NPAS3: variants seen among roughly 807,000 people sequenced by gnomAD.
NPAS3 encodes the protein neuronal PAS domain-containing protein 3.
In NPAS3, 14 loss-of-function variants were observed where a neutral mutation model predicts 73.1. That is an observed-to-expected ratio of 0.19 (90% CI 0.13 to 0.30). The LOEUF (loss-of-function observed/expected upper bound fraction) is 0.30, where lower values mean the gene tolerates loss of function less well. Among genes scored for constraint, NPAS3 ranks in the 10% least tolerant of loss-of-function variants. NPAS3 has a pLI of 1.00. For synonymous variants in NPAS3, 620 were observed against 541.5 expected, an observed-to-expected ratio of 1.14 and a Z score of -2.01; for missense variants, 1,096 against 1,250.0, an observed-to-expected ratio of 0.88 and a Z score of 1.86.
At chr14:33,771,313 C>T (rs1423039509) in intron 7 of NPAS3, among the ~76,000 whole-genome samples, 1 of 152,146 alleles carries the variant, frequency 6.6e-6, no homozygotes, top group African/African-American at 2.4e-5. Context: ...TCCACCCTCC[C>T]TCAAACCCAC....
Position 33,513,860 on chromosome 14 carries a change from G to A in NPAS3, c.469-46261G>A, listed in dbSNP as rs78211408. Among the ~76,000 whole-genome samples the A allele has an allele frequency of 3.3e-3, 504 of 152,140 alleles. 5 individuals carry two copies. Among genetic ancestry groups the A allele is most frequent in the African/African-American group, 0.012 (482 of 41,548 alleles). ...ACTCTTTTTACTAGCCGCGATGAAT[G>A]TATTTTTTCCCCATGGGGGAGAAAG... On this transcript the variant is annotated intron_variant, in intron 4 of 11. Coordinates refer to ENST00000356141, the Ensembl canonical transcript of NPAS3.
chr14:33,359,034 TA>T (rs1168169781), intron 3 of NPAS3, among the ~76,000 whole-genome samples: 6 of 152,190 alleles, frequency 3.9e-5, no homozygotes, highest in Non-Finnish European at 7.3e-5. Flanking sequence ...CACAACTCTT[TA>T]TGTTGACTCT....
intron 5 of NPAS3, among the ~76,000 whole-genome samples, chr14:33,616,493 G>A (rs1442443002): frequency 6.6e-6 from 1 of 152,130 alleles, no homozygotes; most frequent in African/African-American, 2.4e-5. Flanking sequence ...TGCCCGTCTC[G>A]GCAGCTGTCA....
At chr14:33,141,668 C>T (rs2044049944) in intron 2 of NPAS3, among the ~76,000 whole-genome samples, 1 of 152,064 alleles carries the variant, frequency 6.6e-6, no homozygotes, top group Non-Finnish European at 1.5e-5. Flanking sequence ...ATACTATAAT[C>T]CTCTATGATT....
chr14:33,374,932 G>C (rs1274159113), intron 4 of NPAS3, among the ~76,000 whole-genome samples: 2 of 152,088 alleles, frequency 1.3e-5, no homozygotes, highest in African/African-American at 4.8e-5. Flanking sequence ...GTTTTCAAAA[G>C]ACCTCTGTGA....
At chr14:33,601,801 A>G (rs747529477) in intron 5 of NPAS3, among the ~76,000 whole-genome samples, 3 of 152,204 alleles carry the variant, frequency 2.0e-5, no homozygotes, top group Non-Finnish European at 4.4e-5. Flanking sequence ...ATATCCTCTT[A>G]AATGAAAGTT....
rs1250233377 is a variant in NPAS3, at chr14:33,031,414, A to T, written c.51-24491A>T. ...AGTTATGGCTACAGCTTAGATGTCC[A>T]GACTCCAAGTTCAGTTCTCTTTTTA... On this transcript the variant is annotated intron_variant, in intron 1 of 11. Coordinates refer to ENST00000356141, the Ensembl canonical transcript of NPAS3. Among the ~76,000 whole-genome samples the T allele has an allele frequency of 2.0e-5, 3 of 152,336 alleles. No homozygotes were observed. In the East Asian group the frequency reaches 5.8e-4, roughly 29 times the overall value.
At chr14:32,981,253 T>A (rs1280362175) in intron 1 of NPAS3, among the ~76,000 whole-genome samples, 4 of 152,204 alleles carry the variant, frequency 2.6e-5, no homozygotes, top group Non-Finnish European at 5.9e-5. Context: ...AGCCACCAGA[T>A]GCAAAATCCA....
At chr14:33,003,705 T>G (rs1278182426) in intron 1 of NPAS3, among the ~76,000 whole-genome samples, 6 of 152,230 alleles carry the variant, frequency 3.9e-5, no homozygotes, top group Non-Finnish European at 7.3e-5. Context: ...TTTAAGATTA[T>G]TATGTGATTC....
chr14:33,383,873 G>A (rs756885132), intron 4 of NPAS3, among the ~76,000 whole-genome samples: 2 of 152,004 alleles, frequency 1.3e-5, no homozygotes, highest in Non-Finnish European at 2.9e-5. Flanking sequence ...CTAAAATCTC[G>A]AGCATGTTAT....
intron 6 of NPAS3, among the ~76,000 whole-genome samples, chr14:33,718,845 G>T (rs1432618141): frequency 1.3e-5 from 2 of 152,148 alleles, no homozygotes; most frequent in African/African-American, 4.8e-5. Context: ...TAAAGCTGCG[G>T]CCAGGTACGG....
chr14:33,084,887 A>G (rs1024689701), intron 2 of NPAS3, among the ~76,000 whole-genome samples: 3 of 152,214 alleles, frequency 2.0e-5, no homozygotes, highest in African/African-American at 7.2e-5. Flanking sequence ...CCACATCAGT[A>G]TAGTGTGAGT....
chr14:33,531,200 C>A (rs1432603041), intron 4 of NPAS3, among the ~76,000 whole-genome samples: 2 of 152,038 alleles, frequency 1.3e-5, no homozygotes, highest in Admixed American at 1.3e-4. Flanking sequence ...ATAGGCTGTA[C>A]TTTCCTTTAA....
intron 2 of NPAS3, among the ~76,000 whole-genome samples, chr14:33,161,503 A>C (rs1285733784): frequency 1.3e-5 from 2 of 152,248 alleles, no homozygotes; most frequent in Non-Finnish European, 2.9e-5. Flanking sequence ...TATATACTTA[A>C]GAAAACAAGG....
rs570301880 is a variant in NPAS3, at chr14:33,066,054, T to G, written c.140+10060T>G. Among the ~76,000 whole-genome samples, 13 of 152,260 alleles carry G rather than the reference T, an allele frequency of 8.5e-5. No individual in the cohort carries two copies. In the South Asian group the frequency reaches 2.5e-3, roughly 29 times the overall value. On this transcript the variant is annotated intron_variant, in intron 2 of 11. Coordinates refer to ENST00000356141, the Ensembl canonical transcript of NPAS3. ...GGATGTCTTGGTGAAGAATATATTT[T>G]ATGTAGTTGTAGGGGAGATCCTTGT...
intron 1 of NPAS3, among the ~76,000 whole-genome samples, chr14:33,031,586 A>C (rs1203628915): frequency 6.6e-6 from 1 of 152,136 alleles, no homozygotes; most frequent in Non-Finnish European, 1.5e-5. Flanking sequence ...TCCACCTCCC[A>C]GGCCCAAGTG....
intron 2 of NPAS3, among the ~76,000 whole-genome samples, chr14:33,109,363 T>C (rs1350982378): frequency 2.6e-5 from 4 of 152,282 alleles, no homozygotes; most frequent in African/African-American, 7.2e-5. Flanking sequence ...GTTTTTTGTT[T>C]TGGCAAAAAT....
intron 4 of NPAS3, among the ~76,000 whole-genome samples, chr14:33,446,566 C>G (rs1340778812): frequency 1.3e-5 from 2 of 152,192 alleles, no homozygotes; most frequent in African/African-American, 4.8e-5. Flanking sequence ...ATTCCTCCCT[C>G]GGAAGAGATG....
chr14:33,405,164 C>T (rs561724540), intron 4 of NPAS3, among the ~76,000 whole-genome samples: 2 of 152,030 alleles, frequency 1.3e-5, no homozygotes, highest in Admixed American at 6.6e-5. Flanking sequence ...CATGTTGCTG[C>T]AGCTCTCTGT....
Sources: gnomAD v4.1 joint callset for allele counts (sites outside exome capture counted in the v4.1 genomes callset) on GRCh38, gnomAD v4.1.1 for gene constraint, MANE v1.5 for transcripts, NCBI Gene and HGNC (gene_info 2026-07-23, HGNC 2026-07-21) for gene names.